FNTB: variants seen among roughly 807,000 people sequenced by gnomAD.
The protein encoded by FNTB is farnesyltransferase, CAAX box, subunit beta.
Under a neutral mutation model 59.4 loss-of-function variants are expected in FNTB, and 27 were observed. That is an observed-to-expected ratio of 0.45 (90% CI 0.34 to 0.63). The LOEUF (loss-of-function observed/expected upper bound fraction) is 0.63. FNTB is among the 20% of genes least tolerant of loss of function. The pLI is 0.02. For missense variants in FNTB, 449 were observed against 559.6 expected, an observed-to-expected ratio of 0.80 and a Z score of 1.99; for synonymous variants, 230 against 220.7, an observed-to-expected ratio of 1.04 and a Z score of -0.37.
intron 4 of FNTB, among the ~76,000 whole-genome samples, chr14:65,024,153 A>G (rs2061938000): frequency 6.6e-6 from 1 of 152,032 alleles, no homozygotes; most frequent in South Asian, 2.1e-4. Context: ...CTACTGAATT[A>G]GAGCTGCAGT....
At chr14:65,043,231 G>A (rs989514462) in intron 8 of FNTB, among the ~76,000 whole-genome samples, 2 of 152,188 alleles carry the variant, frequency 1.3e-5, no homozygotes, top group Admixed American at 6.5e-5. Context: ...CTCATTCTGA[G>A]GGACCAAACC....
chr14:65,001,902 C>A lies in FNTB; in HGVS notation c.145-2347C>A, dbSNP rs371590484. 1.4e-4 allele frequency among the ~76,000 whole-genome samples: 21 copies of A among 152,262 alleles called. No homozygotes were observed. The highest frequency in any genetic ancestry group is 4.3e-4 in the African/African-American group (18 of 41,552). On this transcript the variant is annotated intron_variant, in intron 1 of 11. Coordinates refer to ENST00000246166, the MANE Select transcript of FNTB (RefSeq NM_002028.4). This position sits in a 1 kb window ranked among gnomAD's most constrained non-coding sequence, Gnocchi z 5.5. ...CAGTCTGTTTTTTGAAGTATTATAA[C>A]CTTTTAAACAGATCATCCTTCAAAT...
intron 9 of FNTB, among the ~76,000 whole-genome samples, chr14:65,046,646 G>C (rs113436813): frequency 1.3e-5 from 2 of 152,168 alleles, no homozygotes; most frequent in Admixed American, 6.5e-5. Flanking sequence ...ACTTGGAACA[G>C]ACAGGAGTCT....
In FNTB at chr14:65,015,715, G is replaced by T. The variant is rs368832309; in HGVS notation, c.373G>T (p.Asp125Tyr). The change falls in exon 4 of 12, where the codon GAT becomes TAT. Residue 125 changes from aspartate (D) to tyrosine (Y), a missense_variant and splice_region_variant. This residue lies in a region of FNTB where 337 missense variants were observed against 479.1 expected (regional missense o/e 0.70). Coordinates refer to ENST00000246166, the MANE Select transcript of FNTB (RefSeq NM_002028.4). ...ACCCATCCCCCAGATAGTGGCTACA[G>T]AGTGAGTCTGTCTTTGGGAAATCTG... Reference protein sequence around the residue: ...DEPIPQIVATDVCQFLELCQS... With the variant: ...DEPIPQIVATYVCQFLELCQS... 11 of 1,613,876 alleles carry T rather than the reference G, an allele frequency of 6.8e-6. No homozygotes were observed. The highest frequency in any genetic ancestry group is 9.3e-6 in the Non-Finnish European group (11 of 1,179,902).
chr14:65,037,769 TTTA>T, intron 7 of FNTB, among the ~76,000 whole-genome samples: 1 of 144,228 alleles, frequency 6.9e-6, no homozygotes. Context: ...TATTTATTTA[TTTA>T]TTTATTTATT....
chr14:65,046,426 T>C (rs2062478199), intron 9 of FNTB, among the ~76,000 whole-genome samples: 1 of 152,174 alleles, frequency 6.6e-6, no homozygotes, highest in Admixed American at 6.6e-5. Flanking sequence ...CAGGGAAATG[T>C]GGAATGAGCT....
At position 65,023,048 on chromosome 14, in the gene FNTB, G is replaced by A. The variant is rs2061917216; in HGVS notation, c.375-4405G>A. Among the ~76,000 whole-genome samples the A allele has an allele frequency of 1.3e-5, 2 of 152,168 alleles. No individual in the cohort carries two copies. The highest frequency in any genetic ancestry group is 2.4e-5 in the African/African-American group (1 of 41,446). On this transcript the variant is annotated intron_variant, in intron 4 of 11. Transcript: ENST00000246166. This position sits in a 1 kb window ranked among gnomAD's most constrained non-coding sequence, Gnocchi z 4.1. The stretch of plus-strand genomic sequence containing the variant: ...ATCCTTCATCCAAACTGATGACGGT[G>A]TTTAGAATCAACATTGATTAATTGA...
rs570891886 is a variant in FNTB at position 65,029,648 on chromosome 14, G to T, written c.605+1867G>T. 4.8e-4 allele frequency among the ~76,000 whole-genome samples: 73 copies of T among 152,334 alleles called. No individual in the cohort carries two copies. Among genetic ancestry groups the T allele is most frequent in the African/African-American group, 1.7e-3 (71 of 41,572 alleles). On this transcript the variant is annotated intron_variant, in intron 6 of 11. Transcript: ENST00000246166. This position sits in a 1 kb window ranked among gnomAD's most constrained non-coding sequence, Gnocchi z 4.7. ...TGGAGGCAGGGATCTAGCATTTGCA[G>T]AAGTTTGGTGAGAAAGCATGTGTTG...
chr14:65,022,838 G>A (rs891821339), intron 4 of FNTB, among the ~76,000 whole-genome samples: 1 of 152,042 alleles, frequency 6.6e-6, no homozygotes, highest in Non-Finnish European at 1.5e-5. Flanking sequence ...CTTATTACTG[G>A]TCTTTTCCTG....
chr14:65,057,320 T>C (rs768108805), intron 11 of FNTB, among the ~76,000 whole-genome samples: 2 of 152,118 alleles, frequency 1.3e-5, no homozygotes, highest in Non-Finnish European at 2.9e-5. Context: ...ACCTAGCACT[T>C]TGGGAGGCTG....
Position 65,054,358 on chromosome 14 carries a change from G to T in FNTB, c.1068-217G>T, listed in dbSNP as rs1448522639. Among the ~76,000 whole-genome samples, 2 of 151,756 alleles carry T rather than the reference G, an allele frequency of 1.3e-5. No homozygotes were observed. Among genetic ancestry groups the T allele is most frequent in the Non-Finnish European group, 2.9e-5 (2 of 67,986 alleles). ...ACTCCTGGCCTCAAACCGTTCTCTT[G>T]CCTCAGCCTCCTGCTTGCTGGGATT... is the stretch of plus-strand genomic sequence containing the variant. On this transcript the variant is annotated intron_variant, in intron 10 of 11. Transcript: ENST00000246166. This position sits in a 1 kb window ranked among gnomAD's most constrained non-coding sequence, Gnocchi z 4.4.
chr14:65,035,304 C>A (rs1294133191), intron 7 of FNTB, among the ~76,000 whole-genome samples: 1 of 152,176 alleles, frequency 6.6e-6, no homozygotes, highest in Non-Finnish European at 1.5e-5. Context: ...GCATGCTGTT[C>A]TCTGTTCCAA....
intron 4 of FNTB, chr14:65,021,969 A>C (rs1202783396): frequency 2.2e-6 from 1 of 455,972 alleles, no homozygotes; most frequent in South Asian, 1.5e-5. Context: ...TTTCGACCTG[A>C]CCATTCTTCC....
At position 65,028,295 on chromosome 14, in the gene FNTB, G is replaced by A. The variant is rs2062020324; in HGVS notation, c.605+514G>A. Among the ~76,000 whole-genome samples, 1 of 152,178 alleles carries A rather than the reference G, an allele frequency of 6.6e-6. No individual in the cohort carries two copies. The highest frequency in any genetic ancestry group is 2.1e-4 in the South Asian group (1 of 4,826). Reference sequence around the variant, plus strand: ...AATAAAATCGCATTAACTGATTGGTGCCAGTTAGCTCGAAATTATTATTTT... The same window carrying A: ...AATAAAATCGCATTAACTGATTGGTACCAGTTAGCTCGAAATTATTATTTT... On this transcript the variant is annotated intron_variant, in intron 6 of 11. Coordinates refer to ENST00000246166, the MANE Select transcript of FNTB (RefSeq NM_002028.4). This position sits in a 1 kb window ranked among gnomAD's most constrained non-coding sequence, Gnocchi z 4.4.
At position 65,012,083 on chromosome 14, in the gene FNTB, C is replaced by A; in HGVS notation, c.210-234C>A. The stretch of plus-strand genomic sequence containing the variant: ...TCACTGCCTTTAGGAGACAATCGCA[C>A]TCTAAATGTCAGCTGGCATGGTTTT... On this transcript the variant is annotated intron_variant, in intron 2 of 11. Coordinates refer to ENST00000246166, the MANE Select transcript of FNTB (RefSeq NM_002028.4). This position sits in a 1 kb window ranked among gnomAD's most constrained non-coding sequence, Gnocchi z 5.0. The A allele has an allele frequency of 2.1e-6, 1 of 487,544 alleles. No individual in the cohort carries two copies. Among genetic ancestry groups the A allele is most frequent in the African/African-American group, 2.0e-5 (1 of 51,208 alleles). The allele number at this position is 487,544 out of a possible 1,614,324, so 30.2% of individuals were successfully genotyped here. A position where few individuals can be genotyped will look rare whatever the true frequency, so the allele number is the denominator to read the frequency against.
intron 10 of FNTB, among the ~76,000 whole-genome samples, chr14:65,053,689 G>A (rs2139676042): frequency 6.6e-6 from 1 of 151,726 alleles, no homozygotes; most frequent in South Asian, 2.1e-4. Context: ...ACCCCTCAGT[G>A]TTGTAAACAG....
At chr14:65,061,126 TA>T in intron 11 of FNTB, 54 bp from the exon 12 acceptor site, 1 of 1,601,718 alleles carries the variant, frequency 6.2e-7, no homozygotes, top group East Asian at 2.2e-5. Context: ...AAGGATGTGT[TA>T]TGTTTTCAAG....
At chr14:64,992,370 A>G (rs1278045460) in intron 1 of FNTB, among the ~76,000 whole-genome samples, 1 of 152,344 alleles carries the variant, frequency 6.6e-6, no homozygotes, top group East Asian at 1.9e-4. Flanking sequence ...AAAATCACCT[A>G]CTTTATAAAG....
chr14:64,987,416 C>T (rs568187129), intron 1 of FNTB: 2 of 420,354 alleles, frequency 4.8e-6, no homozygotes, highest in Admixed American at 3.5e-5. Flanking sequence ...GTCGGACAGC[C>T]CACTCTGTTC....
Sources: allele counts gnomAD v4.1 joint callset (sites outside exome capture counted in the v4.1 genomes callset), GRCh38; gene constraint gnomAD v4.1.1; regional missense constraint gnomAD v4.1.1; non-coding constraint Gnocchi (gnomAD v3.1); transcripts MANE v1.5; gene names NCBI Gene and HGNC (gene_info 2026-07-23, HGNC 2026-07-21).